The following KIAA0753 variants were observed in gnomAD, a reference collection of about 807,000 sequenced individuals.
KIAA0753 encodes protein moonraker.
KIAA0753 carries 114 observed loss-of-function variants against 116.9 expected under a neutral mutation model. That is an observed-to-expected ratio of 0.98 (90% CI 0.84 to 1.14). The LOEUF is 1.14. Ranked by LOEUF, KIAA0753 falls within the 50% of genes most tolerant of loss-of-function variation. The pLI, the probability that KIAA0753 is intolerant of heterozygous loss-of-function variation, is 0.00. For synonymous variants in KIAA0753, 405 were observed against 413.1 expected, an observed-to-expected ratio of 0.98 and a Z score of 0.24; for missense variants, 1,156 against 1,172.4, an observed-to-expected ratio of 0.99 and a Z score of 0.20.
intron 16 of KIAA0753, among the ~76,000 whole-genome samples, chr17:6,593,470 C>T (rs867153469): frequency 6.4e-4 from 56 of 87,154 alleles, no homozygotes; most frequent in Non-Finnish European, 8.8e-4. Flanking sequence ...CCAGCACTTC[C>T]GGAGGCAGGG....
intron 7 of KIAA0753, among the ~76,000 whole-genome samples, chr17:6,616,637 C>A (rs1970953275): frequency 1.3e-5 from 2 of 152,104 alleles, no homozygotes; most frequent in South Asian, 2.1e-4. Flanking sequence ...CCCGACCAAC[C>A]AACATGGTAA....
In KIAA0753 at chr17:6,628,292, G is replaced by T. The variant is rs186953786; in HGVS notation, c.543C>A (p.Gly181=). 2.4e-5 allele frequency: 39 copies of T among 1,614,146 alleles called. No individual in the cohort carries two copies. In the African/African-American group the frequency reaches 4.4e-4, roughly 18 times the overall value. Reference sequence around the variant, plus strand: ...AATTTGGCACAGTAAGATCTGACTGGCCTGGATGAGATGAGTAAAGGTATA... The same window carrying T: ...AATTTGGCACAGTAAGATCTGACTGTCCTGGATGAGATGAGTAAAGGTATA... ...AKVYLYSSHP[G]QSDLTVPNSP... Residue 181 remains glycine (G), a synonymous_variant, in exon 3 of 19, where the codon GGC becomes GGA. Coordinates refer to ENST00000361413, the MANE Select transcript of KIAA0753 (RefSeq NM_014804.3).
chr17:6,579,853 T>A lies in KIAA0753; in HGVS notation c.2798A>T (p.Glu933Val), dbSNP rs1447134895. 6.2e-7 allele frequency: 1 copy of A among 1,613,270 alleles called. No homozygotes were observed. Among genetic ancestry groups the A allele is most frequent in the South Asian group, 1.1e-5 (1 of 91,074 alleles). ...AGCACCCAGAGCTTCATCTACCAGC[T>A]CTTCTGAAAAGCTGGAAGACAAACA... ...PWLIAESFSE[E>V]LVDEALGAVA... Residue 933 changes from glutamate to valine, a missense_variant, in exon 19 of 19, where the codon GAG becomes GTG. Glu to Val is a moderately radical substitution (Grantham distance 121). Coordinates refer to ENST00000361413, the MANE Select transcript of KIAA0753 (RefSeq NM_014804.3).
chr17:6,605,421 G>A (rs1970131857), intron 12 of KIAA0753, among the ~76,000 whole-genome samples: 1 of 152,184 alleles, frequency 6.6e-6, no homozygotes, highest in African/African-American at 2.4e-5. Flanking sequence ...CCCTGTGTGT[G>A]CAGGACTCAC....
At chr17:6,605,311 C>G (rs758591731) in intron 12 of KIAA0753, among the ~76,000 whole-genome samples, 10 of 152,168 alleles carry the variant, frequency 6.6e-5, no homozygotes, top group Non-Finnish European at 1.5e-4. Flanking sequence ...CCAGAAAGAG[C>G]TGAGAAGCCG....
chr17:6,617,397 A>T (rs1242823998), intron 7 of KIAA0753, among the ~76,000 whole-genome samples: 1 of 152,228 alleles, frequency 6.6e-6, no homozygotes, highest in Non-Finnish European at 1.5e-5. Context: ...ATCCCATTAA[A>T]GTGAATAAAT....
intron 13 of KIAA0753, among the ~76,000 whole-genome samples, 191 bp from the exon 14 acceptor site, chr17:6,599,511 C>A (rs1174131430): frequency 6.6e-6 from 1 of 151,962 alleles, no homozygotes; most frequent in Non-Finnish European, 1.5e-5. Context: ...GGCTTTCCAG[C>A]CTTTTTCTTC....
Position 6,628,556 on chromosome 17 carries a change from G to C in KIAA0753, c.279C>G (p.Ser93=). 1 of 1,614,070 alleles carries C rather than the reference G, an allele frequency of 6.2e-7. No individual in the cohort carries two copies. The highest frequency in any genetic ancestry group is 8.5e-7 in the Non-Finnish European group (1 of 1,179,984). Residue 93 remains serine (S), a synonymous_variant, in exon 3 of 19, where the codon TCC becomes TCG. Coordinates refer to ENST00000361413, the MANE Select transcript of KIAA0753 (RefSeq NM_014804.3). ...GGACAGCATAGCTAAGTCTCTCTTGGGATATGACGGAAAATGAAACAGAAC... is the reference window on the plus strand; with the variant it reads ...GGACAGCATAGCTAAGTCTCTCTTGCGATATGACGGAAAATGAAACAGAAC... The part of the protein sequence containing the change: ...LGSSVSFSVI[S]QERLSYAVHL...
intron 8 of KIAA0753, among the ~76,000 whole-genome samples, chr17:6,611,303 A>ATT (rs1026624237): frequency 6.7e-6 from 1 of 149,508 alleles, no homozygotes; most frequent in African/African-American, 2.5e-5. Context: ...GCAGGAACTA[A>ATT]TTTTTTTTTT....
At chr17:6,612,855 C>T (rs1228776213) in intron 7 of KIAA0753, among the ~76,000 whole-genome samples, 7 of 152,100 alleles carry the variant, frequency 4.6e-5, no homozygotes, top group Non-Finnish European at 8.8e-5. Flanking sequence ...GGGACAAGAG[C>T]GAGGCTTCAT....
At chr17:6,591,026 GGAAGAAGGAAGAAGGAAGAAGAA>G (rs1968973349) in intron 16 of KIAA0753, among the ~76,000 whole-genome samples, 2 of 93,572 alleles carry the variant, frequency 2.1e-5, no homozygotes, top group East Asian at 3.5e-4. Context: ...GAAGGAAGAA[GGAAGAAGGAAGAAGGAAGAAGAA>G]GAAGAAGAAG....
At chr17:6,594,898 A>AT (rs1969353912) in intron 16 of KIAA0753, 74 bp downstream of exon 16, 1 of 1,156,796 alleles carries the variant, frequency 8.6e-7, no homozygotes, top group South Asian at 1.3e-5. Context: ...TTACTATACA[A>AT]TTTTTTCAAT....
Position 6,606,865 on chromosome 17 carries a change from A to G in KIAA0753, c.2009+8T>C. 1 of 1,611,282 alleles carries G rather than the reference A, an allele frequency of 6.2e-7. No homozygotes were observed. Among genetic ancestry groups the G allele is most frequent in the Admixed American group, 1.7e-5 (1 of 60,016 alleles). ...ATCCACTATTCTTCCTAAGAAGCAA[A>G]CACATACCTCAATTGTTGGAGTCTA... On this transcript the variant is annotated splice_region_variant and intron_variant, in intron 12 of 18. Transcript: ENST00000361413.
rs1300301210 is a variant in KIAA0753 at position 6,589,804 on chromosome 17, A to C, written c.2761T>G (p.Phe921Val). The C allele has an allele frequency of 6.2e-7, 1 of 1,611,320 alleles. No individual in the cohort carries two copies. The highest frequency in any genetic ancestry group is 8.5e-7 in the Non-Finnish European group (1 of 1,179,222). The part of the protein sequence containing the change: ...RIISHEAVGS[F>V]NPWLIAESFS... ...CTTTCAGCTATCAGCCACGGGTTGA[A>C]GGAGCCTACAGCCTCATGAGATATG... Residue 921 changes from phenylalanine (F) to valine (V), a missense_variant, in exon 18 of 19, where the codon TTC (phenylalanine) becomes GTC (valine). Phe to Val is a conservative substitution (Grantham distance 50, BLOSUM62 -1). Coordinates refer to ENST00000361413, the MANE Select transcript of KIAA0753 (RefSeq NM_014804.3).
chr17:6,604,715 G>C (rs146069169), intron 12 of KIAA0753, among the ~76,000 whole-genome samples: 13 of 152,010 alleles, frequency 8.6e-5, no homozygotes, highest in African/African-American at 3.1e-4. Flanking sequence ...TCTGTATCTC[G>C]ACTATACCAA....
intron 18 of KIAA0753, among the ~76,000 whole-genome samples, chr17:6,583,206 C>T (rs867083725): frequency 2.4e-4 from 36 of 152,230 alleles, no homozygotes; most frequent in African/African-American, 7.7e-4. Flanking sequence ...TAGTTCTTTT[C>T]GTTTGGAATT....
chr17:6,588,461 G>A (rs114912612), intron 18 of KIAA0753, among the ~76,000 whole-genome samples: 1,859 of 152,230 alleles, frequency 0.012, 47 homozygotes, highest in African/African-American at 0.043. Flanking sequence ...GAGAGCAGCC[G>A]CCTGGACTCA....
intron 18 of KIAA0753, among the ~76,000 whole-genome samples, chr17:6,588,262 ACTTGT>A (rs1215597926): frequency 6.6e-6 from 1 of 152,224 alleles, no homozygotes; most frequent in Non-Finnish European, 1.5e-5. Flanking sequence ...ACACTTTCAC[ACTTGT>A]AAGTTTCAAG....
At chr17:6,625,622 G>A (rs1012876209) in intron 3 of KIAA0753, among the ~76,000 whole-genome samples, 7 of 151,782 alleles carry the variant, frequency 4.6e-5, no homozygotes, top group Admixed American at 6.6e-5. Flanking sequence ...AGCTGAGATC[G>A]CACCACTACA....
Sources: gnomAD v4.1 joint callset for allele counts (sites outside exome capture counted in the v4.1 genomes callset) on GRCh38, gnomAD v4.1.1 for gene constraint, MANE v1.5 for transcripts, NCBI Gene and HGNC (gene_info 2026-07-23, HGNC 2026-07-21) for gene names.